The following CELF2 variants were observed in gnomAD, a reference collection of about 807,000 sequenced individuals.
CELF2 encodes CUGBP Elav-like family member 2.
CELF2 carries 8 observed loss-of-function variants against 62.6 expected under a neutral mutation model. The ratio of observed to expected loss-of-function variants is 0.13; its 90% CI spans 0.07 to 0.23. The LOEUF is 0.23. CELF2 is among the 10% of genes least tolerant of loss of function. The probability of loss-of-function intolerance (pLI) is 1.00; values close to 1 mark genes in which losing one functional copy is unlikely to be tolerated. For missense variants in CELF2, 333 were observed against 671.0 expected, an observed-to-expected ratio of 0.50 and a Z score of 5.56; for synonymous variants, 258 against 250.0, an observed-to-expected ratio of 1.03 and a Z score of -0.30.
intron 1 of CELF2, among the ~76,000 whole-genome samples, chr10:11,104,040 A>G (rs879614449): frequency 6.6e-6 from 1 of 152,204 alleles, no homozygotes; most frequent in Admixed American, 6.5e-5. Context: ...AAATAGACTG[A>G]CACTACCCTT....
At chr10:10,595,871 G>C in the CELF2 span, among the ~76,000 whole-genome samples, 1 of 152,048 alleles carries the variant, frequency 6.6e-6, no homozygotes, top group Non-Finnish European at 1.5e-5. Context: ...ACTCCAGCCT[G>C]GGTGACAGAG....
Position 11,316,876 on chromosome 10 carries a change from C to T in CELF2, c.1096+2618C>T, listed in dbSNP as rs374467800. The T allele has an allele frequency of 2.0e-5, 3 of 152,212 alleles. No individual in the cohort carries two copies. The highest frequency in any genetic ancestry group is 7.2e-5 in the African/African-American group (3 of 41,542). 9.4% of individuals were successfully genotyped at this position (152,212 alleles called of 1,614,324 possible). A position where few individuals can be genotyped will look rare whatever the true frequency, so the allele number is the denominator to read the frequency against. On this transcript the variant is annotated intron_variant, in intron 10 of 12. Transcript: ENST00000633077. This position sits in a 1 kb window ranked among gnomAD's most constrained non-coding sequence, Gnocchi z 4.4. ...TTTATTCCCTGATACATTAATGAGTCAAAGGGCTAAAAAACAGTACAGCGC... is the reference window on the plus strand; with the variant it reads ...TTTATTCCCTGATACATTAATGAGTTAAAGGGCTAAAAAACAGTACAGCGC...
the CELF2 span, among the ~76,000 whole-genome samples, chr10:10,779,255 C>T: frequency 6.6e-6 from 1 of 152,214 alleles, no homozygotes; most frequent in Non-Finnish European, 1.5e-5. Flanking sequence ...CCAGAAACTT[C>T]AAGCTAGCTT....
intron 1 of CELF2, among the ~76,000 whole-genome samples, chr10:10,840,499 A>G (rs916741850): frequency 6.6e-6 from 1 of 152,344 alleles, no homozygotes; most frequent in Middle Eastern, 3.4e-3. Flanking sequence ...CTTGCCATGC[A>G]TGTATCTTCT....
chr10:11,163,184 C>T (rs2066117342), intron 1 of CELF2, among the ~76,000 whole-genome samples: 1 of 152,204 alleles, frequency 6.6e-6, no homozygotes, highest in South Asian at 2.1e-4. Context: ...AGAATTCTGA[C>T]ACTAGAACTA....
In CELF2 at chr10:11,133,222, A is replaced by G. The variant is rs2059884872; in HGVS notation, c.75-32264A>G. Among the ~76,000 whole-genome samples the G allele has an allele frequency of 4.6e-5, 7 of 152,198 alleles. 1 individual carries two copies. The highest frequency in any genetic ancestry group is 3.9e-4 in the Admixed American group (6 of 15,284). ...CTTTGGATCCACAAGGAACCATTAAAGAAGAGGACAACCAGGTAGAGTAAC... is the reference window on the plus strand; with the variant it reads ...CTTTGGATCCACAAGGAACCATTAAGGAAGAGGACAACCAGGTAGAGTAAC... On this transcript the variant is annotated intron_variant, in intron 1 of 12. Transcript: ENST00000633077.
At chr10:11,192,839 C>T (rs1490801408) in intron 2 of CELF2, among the ~76,000 whole-genome samples, 1 of 152,142 alleles carries the variant, frequency 6.6e-6, no homozygotes, top group African/African-American at 2.4e-5. Flanking sequence ...GGATTTAATT[C>T]CCCTGCTGGG....
intron 1 of CELF2, among the ~76,000 whole-genome samples, chr10:11,144,262 C>T (rs116396089): frequency 0.012 from 1,780 of 152,258 alleles, 29 homozygotes; most frequent in African/African-American, 0.041. Context: ...AACCGTCCCT[C>T]TTGCTCATAA....
the CELF2 span, among the ~76,000 whole-genome samples, chr10:10,665,331 A>G: frequency 2.6e-5 from 4 of 152,210 alleles, no homozygotes; most frequent in Admixed American, 2.0e-4. Flanking sequence ...ATGGTTCTGC[A>G]TTACAAATCC....
chr10:10,918,476 C>A (rs2064551983), intron 1 of CELF2, among the ~76,000 whole-genome samples: 1 of 152,180 alleles, frequency 6.6e-6, no homozygotes, highest in African/African-American at 2.4e-5. Context: ...TTTATAGAAA[C>A]TAAACTTATT....
Position 11,202,086 on chromosome 10 carries a change from G to A in CELF2, c.272-15339G>A, listed in dbSNP as rs142448393. ...TGTTCCTACCTGAATTTTTCTTGGA[G>A]TAGCAGATTGTTTCATTGAGTTGAC... is the stretch of plus-strand genomic sequence containing the variant. On this transcript the variant is annotated intron_variant, in intron 2 of 12. Transcript: ENST00000633077. Among the ~76,000 whole-genome samples, 725 of 152,260 alleles carry A rather than the reference G, an allele frequency of 4.8e-3. 2 individuals are homozygous for A. The highest frequency in any genetic ancestry group is 7.6e-3 in the Non-Finnish European group (520 of 68,010).
chr10:11,086,019 A>G (rs1037079295), intron 1 of CELF2, among the ~76,000 whole-genome samples: 2 of 152,226 alleles, frequency 1.3e-5, no homozygotes, highest in East Asian at 3.9e-4. Context: ...GAAAGTGCTT[A>G]GGAGAACTTC....
At chr10:10,484,173 C>G in the CELF2 span, among the ~76,000 whole-genome samples, 1 of 6,260 alleles carries the variant, frequency 1.6e-4, no homozygotes. Flanking sequence ...CTCTCCCTCC[C>G]TCCCTCCCCC....
At position 10,908,121 on chromosome 10, in the gene CELF2, T is replaced by C. The variant is rs570105161; in HGVS notation, c.54-11843T>C. Among the ~76,000 whole-genome samples, 14 of 151,186 alleles carry C rather than the reference T, an allele frequency of 9.3e-5. No individual in the cohort carries two copies. The South Asian group carries it at 2.9e-3, about 32-fold the overall frequency. The stretch of plus-strand genomic sequence containing the variant: ...AGAGGGGAGATGTTCAGCTCTGAGC[T>C]GCTTCCTGACCCTCGGGGAGCCTCA... On this transcript the variant is annotated intron_variant, in intron 1 of 13. Transcript: ENST00000636488.
At chr10:10,480,956 G>A in the CELF2 span, among the ~76,000 whole-genome samples, 1,667 of 152,150 alleles carry the variant, frequency 0.011, 31 homozygotes, top group African/African-American at 0.039. Context: ...CCAGCTACTC[G>A]GGAGGCTGAG....
the CELF2 span, among the ~76,000 whole-genome samples, chr10:10,622,290 G>A: frequency 7.9e-5 from 12 of 152,170 alleles, no homozygotes; most frequent in African/African-American, 2.9e-4. Flanking sequence ...TTCATCACCT[G>A]CAAGGGTAGA....
intron 1 of CELF2, among the ~76,000 whole-genome samples, chr10:10,855,124 C>T (rs1370733786): frequency 2.6e-5 from 4 of 152,176 alleles, no homozygotes; most frequent in African/African-American, 4.8e-5. Context: ...GGGTTCCAGT[C>T]CCAGTGAGAA....
intron 1 of CELF2, among the ~76,000 whole-genome samples, chr10:11,080,842 A>G (rs1158533854): frequency 6.6e-6 from 1 of 152,180 alleles, no homozygotes; most frequent in Non-Finnish European, 1.5e-5. Flanking sequence ...AATTATATGA[A>G]CCACAAGTTG....
Position 11,275,065 on chromosome 10 carries a change from G to C in CELF2, c.786G>C (p.Gln262His). Reference sequence around the variant, plus strand: ...TGTGTGTTCATCCGCAGCTCCTGCAGCAGGCCACCTCCTCCAGCAACCTGG... The same window carrying C: ...TGTGTGTTCATCCGCAGCTCCTGCACCAGGCCACCTCCTCCAGCAACCTGG... Reference protein sequence around the residue: ...GLTPQYLALLQQATSSSNLGA... With the variant: ...GLTPQYLALLHQATSSSNLGA... The change falls in exon 8 of 13, where the codon CAG becomes CAC. Residue 262 changes from glutamine to histidine, a missense_variant. By Grantham distance (24) the Gln-to-His change is conservative. This residue lies in a region of CELF2 where 253 missense variants were observed against 503.0 expected (regional missense o/e 0.50). Transcript: ENST00000633077. 1 of 1,614,184 alleles carries C rather than the reference G, an allele frequency of 6.2e-7. No homozygotes were observed. The highest frequency in any genetic ancestry group is 1.6e-4 in the Middle Eastern group (1 of 6,062).
Sources: gnomAD v4.1 joint callset for allele counts (sites outside exome capture counted in the v4.1 genomes callset) on GRCh38, gnomAD v4.1.1 for gene constraint, gnomAD v4.1.1 regional missense constraint, Gnocchi (gnomAD v3.1) non-coding constraint, MANE v1.5 for transcripts, NCBI Gene and HGNC (gene_info 2026-07-23, HGNC 2026-07-21) for gene names.